Variants in NEDD9 observed in about 807,000 individuals in gnomAD.
NEDD9 encodes neural precursor cell expressed, developmentally down-regulated 9.
In NEDD9, 26 loss-of-function variants were observed where a neutral mutation model predicts 76.6. The observed-to-expected ratio is 0.34, with a 90% CI of 0.25 to 0.47. The LOEUF (loss-of-function observed/expected upper bound fraction) is 0.47, where lower values mean the gene tolerates loss of function less well. Ranked by LOEUF, NEDD9 falls within the 20% of genes least tolerant of loss-of-function variation. The probability of loss-of-function intolerance (pLI) is 1.00; values close to 1 mark genes in which losing one functional copy is unlikely to be tolerated. For synonymous variants in NEDD9, 392 were observed against 414.2 expected (o/e 0.95, Z 0.65); for missense variants, 937 against 1,058.5 (o/e 0.89, Z 1.59).
intron 2 of NEDD9, among the ~76,000 whole-genome samples, chr6:11,330,152 G>A (rs1220733931): frequency 6.6e-6 from 1 of 152,196 alleles, no homozygotes; most frequent in Non-Finnish European, 1.5e-5. Flanking sequence ...TAGCTACTCT[G>A]TTAGGCAGCA....
chr6:11,188,489 A>T (rs534119477), intron 5 of NEDD9, among the ~76,000 whole-genome samples, 182 bp from the exon 6 acceptor site: 1 of 152,320 alleles, frequency 6.6e-6, no homozygotes, highest in African/African-American at 2.4e-5. Flanking sequence ...GCCCATTGCC[A>T]TATAGGGTGC....
intron 3 of NEDD9, among the ~76,000 whole-genome samples, chr6:11,268,099 G>A (rs1022465507): frequency 2.0e-5 from 3 of 152,032 alleles, no homozygotes; most frequent in East Asian, 1.9e-4. Flanking sequence ...GCGCGATCTC[G>A]GCTTGCTGCA....
intron 2 of NEDD9, among the ~76,000 whole-genome samples, chr6:11,210,766 G>GGGGAGAGAGAGAGA (rs1554125281): frequency 8.2e-6 from 1 of 121,854 alleles, no homozygotes; most frequent in East Asian, 2.6e-4. Flanking sequence ...AGGGATGGGG[G>GGGGAGAGAGAGAGA]GAGAGAGAGA....
intron 1 of NEDD9, among the ~76,000 whole-genome samples, chr6:11,381,851 G>C (rs1763067666): frequency 6.6e-6 from 1 of 152,228 alleles, no homozygotes; most frequent in Admixed American, 6.5e-5. Flanking sequence ...ACAGTAGGAA[G>C]AGGGGAGGGG....
At chr6:11,299,625 A>C (rs949318342) in intron 3 of NEDD9, among the ~76,000 whole-genome samples, 4 of 152,160 alleles carry the variant, frequency 2.6e-5, no homozygotes, top group African/African-American at 9.7e-5. Flanking sequence ...CACCTCAAAC[A>C]GGTGAGTGCC....
chr6:11,354,138 C>G (rs1561845222), intron 1 of NEDD9, among the ~76,000 whole-genome samples: 1 of 152,126 alleles, frequency 6.6e-6, no homozygotes, highest in Non-Finnish European at 1.5e-5. Context: ...GTGGTTTGAA[C>G]AAAGCTGAGT....
chr6:11,351,646 T>A (rs1017686436), intron 1 of NEDD9, among the ~76,000 whole-genome samples: 4 of 152,192 alleles, frequency 2.6e-5, no homozygotes, highest in African/African-American at 7.2e-5. Flanking sequence ...AGCCAACAGA[T>A]GTGGTGACAT....
chr6:11,321,310 T>C (rs1340998037), intron 2 of NEDD9, among the ~76,000 whole-genome samples: 1 of 152,012 alleles, frequency 6.6e-6, no homozygotes, highest in Non-Finnish European at 1.5e-5. Flanking sequence ...AGCGATGGTT[T>C]GAGAGGTGAA....
At chr6:11,281,060 T>C (rs527669590) in intron 3 of NEDD9, among the ~76,000 whole-genome samples, 1 of 152,378 alleles carries the variant, frequency 6.6e-6, no homozygotes, top group African/African-American at 2.4e-5. Context: ...CCTTGTCCTC[T>C]TGGCTGAGAG....
At chr6:11,207,027 T>C (rs1304329436) in intron 2 of NEDD9, among the ~76,000 whole-genome samples, 1 of 152,206 alleles carries the variant, frequency 6.6e-6, no homozygotes, top group African/African-American at 2.4e-5. Flanking sequence ...TTCTGGAACA[T>C]AGTTGTACTT....
At chr6:11,255,901 T>C (rs1015354164) in intron 3 of NEDD9, among the ~76,000 whole-genome samples, 5 of 151,966 alleles carry the variant, frequency 3.3e-5, no homozygotes, top group Non-Finnish European at 7.4e-5. Context: ...CTGCAGAAAT[T>C]TGGGCAGAAG....
chr6:11,276,037 C>A (rs753788087), intron 3 of NEDD9, among the ~76,000 whole-genome samples: 27 of 152,284 alleles, frequency 1.8e-4, no homozygotes, highest in Non-Finnish European at 3.5e-4. Flanking sequence ...TCATTAGATA[C>A]TGATGGATCA....
chr6:11,232,403 G>A (rs1342232582), intron 1 of NEDD9, 101 bp downstream of exon 1: 4 of 1,436,272 alleles, frequency 2.8e-6, no homozygotes, highest in East Asian at 2.3e-5. Context: ...AACTCTCCGG[G>A]ACACACAAGG....
intron 3 of NEDD9, chr6:11,271,578 A>C (rs1310705489): frequency 6.6e-6 from 1 of 152,240 alleles, no homozygotes; most frequent in East Asian, 1.9e-4. Flanking sequence ...GGGAGGGAGT[A>C]AACATATCCA....
rs913489721 is a variant in NEDD9 at position 11,183,656 on chromosome 6, T to A, written c.*1506A>T. The A allele has an allele frequency of 1.3e-5, 2 of 152,210 alleles. No homozygotes were observed. The highest frequency in any genetic ancestry group is 2.4e-5 in the African/African-American group (1 of 41,452). The allele number at this position is 152,210 out of a possible 1,614,324, so 9.4% of individuals were successfully genotyped here. A position where few individuals can be genotyped will look rare whatever the true frequency, so the allele number is the denominator to read the frequency against. ...TCATTTATTTCCACTGATTTTTTTT[T>A]AATCACTCTGAGATCATGCATTCTT... On this transcript the variant is annotated 3_prime_UTR_variant, in exon 7 of 7. Coordinates refer to ENST00000379446, the MANE Select transcript of NEDD9 (RefSeq NM_006403.4).
At chr6:11,288,146 C>T (rs1760689185) in intron 3 of NEDD9, among the ~76,000 whole-genome samples, 1 of 152,172 alleles carries the variant, frequency 6.6e-6, no homozygotes, top group Admixed American at 6.5e-5. Context: ...ATATGTGGCT[C>T]AGTCAAAATT....
At chr6:11,334,284 T>A (rs1333148373) in intron 2 of NEDD9, among the ~76,000 whole-genome samples, 1 of 152,248 alleles carries the variant, frequency 6.6e-6, no homozygotes, top group Admixed American at 6.5e-5. Flanking sequence ...TAAGGGGCGA[T>A]TTTGTTGTAT....
chr6:11,370,232 C>T lies in NEDD9; in HGVS notation c.-214+11907G>A, dbSNP rs1009602883. On this transcript the variant is annotated intron_variant, in intron 1 of 3. Transcript: ENST00000397378. The surrounding 1 kb of genome is among the most constrained non-coding windows in gnomAD (Gnocchi z 4.2). ...GCCTGCTTAGAGTAAAACGCTGCACCGAAGCTCTGCTGACGTTTTCCTATG... is the reference window on the plus strand; with the variant it reads ...GCCTGCTTAGAGTAAAACGCTGCACTGAAGCTCTGCTGACGTTTTCCTATG... Among the ~76,000 whole-genome samples, 1 of 152,170 alleles carries T rather than the reference C, an allele frequency of 6.6e-6. No homozygotes were observed. The highest frequency in any genetic ancestry group is 1.5e-5 in the Non-Finnish European group (1 of 68,032).
chr6:11,201,702 C>T (rs1396796364), intron 2 of NEDD9, among the ~76,000 whole-genome samples: 1 of 136,140 alleles, frequency 7.3e-6, no homozygotes, highest in African/African-American at 3.2e-5. Context: ...TTAAAAATTA[C>T]AAATATATAT....
Sources: gnomAD v4.1 joint callset for allele counts (sites outside exome capture counted in the v4.1 genomes callset) on GRCh38, gnomAD v4.1.1 for gene constraint, Gnocchi (gnomAD v3.1) non-coding constraint, MANE v1.5 for transcripts, NCBI Gene and HGNC (gene_info 2026-07-23, HGNC 2026-07-21) for gene names.